ADAMTSL2: variants seen among roughly 807,000 people sequenced by gnomAD.
ADAMTSL2 encodes the protein ADAMTS-like protein 2.
A neutral mutation model predicts 117.0 loss-of-function variants in ADAMTSL2; 55 were observed. The ratio of observed to expected loss-of-function variants is 0.47; its 90% confidence interval spans 0.38 to 0.59. The LOEUF (loss-of-function observed/expected upper bound fraction) is 0.59. ADAMTSL2 is among the 20% of genes least tolerant of loss of function. The pLI is 0.00. For missense variants in ADAMTSL2, 1,182 were observed against 1,354.5 expected (o/e 0.87, Z 2.00); for synonymous variants, 572 against 566.4 (o/e 1.01, Z -0.14).
rs1253606185 is a variant in ADAMTSL2, at chr9:133,567,030, C to T, written c.1842C>T (p.His614=). The part of the protein sequence containing the change: ...CDALTRPEPV[H]EFCAGRECQP... ...CCCTGACCCGTCCCGAGCCTGTCCACGAGTTCTGCGCTGGGAGGGAGTGCC... is the reference window on the plus strand; with the variant it reads ...CCCTGACCCGTCCCGAGCCTGTCCATGAGTTCTGCGCTGGGAGGGAGTGCC... The change falls in exon 13 of 19, where the codon CAC becomes CAT. Residue 614 remains histidine, a synonymous_variant. Transcript: ENST00000651351. The T allele has an allele frequency of 1.2e-5, 20 of 1,610,872 alleles. No individual in the cohort carries two copies. The highest frequency in any genetic ancestry group is 4.5e-5 in the East Asian group (2 of 44,866).
intron 2 of ADAMTSL2, 92 bp downstream of exon 2, chr9:133,536,894 G>C: frequency 6.3e-7 from 1 of 1,581,334 alleles, no homozygotes; most frequent in South Asian, 1.1e-5. Flanking sequence ...AGGGAGCCGT[G>C]TGGGCACGTG....
chr9:133,564,850 C>T (rs1047903058), intron 12 of ADAMTSL2, among the ~76,000 whole-genome samples: 7 of 152,030 alleles, frequency 4.6e-5, no homozygotes, highest in African/African-American at 1.4e-4. Context: ...TGTGTCCGTG[C>T]GGATGTCCCA....
At chr9:133,536,939 ACTT>A (rs1830067291) in intron 2 of ADAMTSL2, 137 bp downstream of exon 2, 3 of 1,420,774 alleles carry the variant, frequency 2.1e-6, no homozygotes, top group Non-Finnish European at 2.8e-6. Flanking sequence ...GCTCCTAGAA[ACTT>A]CTGCCCAGAG....
rs976368090 is a variant in ADAMTSL2, at chr9:133,558,917, C to G, written c.1650-2281C>G. Among the ~76,000 whole-genome samples the G allele has an allele frequency of 6.6e-6, 1 of 152,230 alleles. No individual in the cohort carries two copies. Among genetic ancestry groups the G allele is most frequent in the Non-Finnish European group, 1.5e-5 (1 of 68,046 alleles). On this transcript the variant is annotated intron_variant, in intron 11 of 18. Transcript: ENST00000651351. This position sits in a 1 kb window ranked among gnomAD's most constrained non-coding sequence, Gnocchi z 4.3. Reference sequence around the variant, plus strand: ...CTGCTATGCCCCACACGTGCTGCTGCGAAGAGTGTGTGGGCAGCCCCTCCA... The same window carrying G: ...CTGCTATGCCCCACACGTGCTGCTGGGAAGAGTGTGTGGGCAGCCCCTCCA...
intron 6 of ADAMTSL2, 31 bp downstream of exon 6, chr9:133,540,774 G>C: frequency 6.2e-7 from 1 of 1,613,564 alleles, no homozygotes; most frequent in Non-Finnish European, 8.5e-7. Context: ...AAGTACCGCC[G>C]GTCTCACTGT....
intron 11 of ADAMTSL2, 37 bp downstream of exon 11, chr9:133,555,967 CAG>C (rs533698148): frequency 1.1e-4 from 176 of 1,602,788 alleles, no homozygotes; most frequent in South Asian, 5.8e-4. Flanking sequence ...CCAGGGCCCT[CAG>C]GGGGCAGGAT....
rs1200114975 is a variant in ADAMTSL2 at position 133,571,353 on chromosome 9, C to G, written c.2592+846C>G. ...AAACCCAGGTGGGGTGTGGCATCTG[C>G]AAGGGAAGGGGGGCCTGAACCAGCT... On this transcript the variant is annotated intron_variant, in intron 17 of 18. Coordinates refer to ENST00000651351, the MANE Select transcript of ADAMTSL2 (RefSeq NM_014694.4). 1.5e-4 allele frequency among the ~76,000 whole-genome samples: 23 copies of G among 152,314 alleles called. No individual in the cohort carries two copies. The South Asian group carries it at 4.6e-3, about 30-fold the overall frequency.
Position 133,534,790 on chromosome 9 carries a change from GGAGA to G in ADAMTSL2, c.-276_-273del. On this transcript the variant is annotated 5_prime_UTR_variant, in exon 1 of 19. The change creates a premature stop within an existing upstream ORF in the 5' untranslated region. Transcript: ENST00000651351. ...GGCGGCGCGGGGGAGGAGGGGAAGG[GGAGA>G]GGGAGGCCGGGCCGCAGCCTCTGCA... The G allele has an allele frequency of 6.7e-7, 1 of 1,483,458 alleles. No homozygotes were observed. The highest frequency in any genetic ancestry group is 9.0e-7 in the Non-Finnish European group (1 of 1,111,932). The allele number at this position is 1,483,458 out of a possible 1,614,324, so 91.9% of individuals were successfully genotyped here.
At position 133,538,439 on chromosome 9, in the gene ADAMTSL2, G is replaced by C; in HGVS notation, c.309+15G>C. 1 of 1,612,622 alleles carries C rather than the reference G, an allele frequency of 6.2e-7. No individual in the cohort carries two copies. Among genetic ancestry groups the C allele is most frequent in the Non-Finnish European group, 8.5e-7 (1 of 1,179,734 alleles). On this transcript the variant is annotated intron_variant, in intron 4 of 18. Transcript: ENST00000651351. ...GCAGAGTGCAGGTGAGGCCCGGCCC[G>C]GGCAGGGGCACCATGGCCTGCTCTC...
At chr9:133,534,680 GGCGGCCGCCGGC>G, upstream of ADAMTSL2, 2 of 1,351,444 alleles carry the variant, frequency 1.5e-6, no homozygotes, top group Non-Finnish European at 1.9e-6. Context: ...CAGCTATAAA[GGCGGCCGCCGGC>G]GCAGAGCCGC....
intron 13 of ADAMTSL2, among the ~76,000 whole-genome samples, chr9:133,567,938 G>C (rs1381587840): frequency 1.3e-5 from 2 of 152,216 alleles, no homozygotes; most frequent in South Asian, 4.1e-4. Flanking sequence ...ATCCAGAAAT[G>C]TGCCTTCTGC....
rs1224739567 is a variant in ADAMTSL2 at position 133,544,561 on chromosome 9, A to G, written c.763+11A>G. On this transcript the variant is annotated intron_variant, in intron 8 of 18. Coordinates refer to ENST00000651351, the MANE Select transcript of ADAMTSL2 (RefSeq NM_014694.4). ...CCGCTGACGTGCTAGGTGGGTACGC[A>G]GTGTCTGGCAGCTGCCTCACTGAGC... is the stretch of plus-strand genomic sequence containing the variant. 1.2e-6 allele frequency: 2 copies of G among 1,611,240 alleles called. No individual in the cohort carries two copies. The highest frequency in any genetic ancestry group is 1.1e-5 in the South Asian group (1 of 91,036).
Position 133,547,231 on chromosome 9 carries a change from C to T in ADAMTSL2, c.939+18C>T, listed in dbSNP as rs1830372513. On this transcript the variant is annotated intron_variant, in intron 9 of 18. Transcript: ENST00000651351. ...ATGTCATGGTACGTGTGCCGCAGGC[C>T]TTGGGGGCCCCAGGGGCCCTGGGCA... The T allele has an allele frequency of 1.2e-6, 2 of 1,607,616 alleles. No homozygotes were observed. Among genetic ancestry groups the T allele is most frequent in the African/African-American group, 2.7e-5 (2 of 74,814 alleles).
intron 12 of ADAMTSL2, among the ~76,000 whole-genome samples, chr9:133,561,534 C>T (rs934187726): frequency 2.0e-5 from 3 of 152,232 alleles, no homozygotes; most frequent in South Asian, 2.1e-4. Flanking sequence ...GGGGGTCATC[C>T]GGGCTACCAC....
chr9:133,539,553 G>C (rs903125374), intron 4 of ADAMTSL2, among the ~76,000 whole-genome samples: 3 of 124,762 alleles, frequency 2.4e-5, no homozygotes, highest in East Asian at 2.7e-4. Flanking sequence ...GGGCTGGCGT[G>C]GGGGGCGGAG....
At chr9:133,536,920 C>T (rs1830066981) in intron 2 of ADAMTSL2, 118 bp downstream of exon 2, 1 of 1,496,348 alleles carries the variant, frequency 6.7e-7, no homozygotes, top group Non-Finnish European at 9.0e-7. Flanking sequence ...GGTCCCAGAA[C>T]CCATCTTGGC....
intron 16 of ADAMTSL2, 37 bp from the exon 17 acceptor site, chr9:133,570,294 C>T: frequency 3.3e-6 from 5 of 1,535,870 alleles, no homozygotes; most frequent in East Asian, 2.4e-5. Context: ...TCCTGCTGGG[C>T]CCTGGCGCTG....
At chr9:133,562,191 C>T (rs1028388056) in intron 12 of ADAMTSL2, among the ~76,000 whole-genome samples, 10 of 152,214 alleles carry the variant, frequency 6.6e-5, no homozygotes, top group African/African-American at 2.4e-4. Flanking sequence ...GCTGGGCAGT[C>T]TGAGCTTGGC....
chr9:133,560,334 G>A (rs1266733124), intron 11 of ADAMTSL2, among the ~76,000 whole-genome samples: 5 of 152,194 alleles, frequency 3.3e-5, no homozygotes, highest in East Asian at 1.9e-4. Context: ...CCACCGCGCC[G>A]GCTTGCCATC....
Sources: gnomAD v4.1 joint callset for allele counts (sites outside exome capture counted in the v4.1 genomes callset) on GRCh38, gnomAD v4.1.1 for gene constraint, Gnocchi (gnomAD v3.1) non-coding constraint, MANE v1.5 for transcripts, NCBI Gene and HGNC (gene_info 2026-07-23, HGNC 2026-07-21) for gene names.